The following UBE4A variants were observed in gnomAD, a reference collection of about 807,000 sequenced individuals.
UBE4A encodes the protein ubiquitin conjugation factor E4 A.
UBE4A carries 48 observed loss-of-function variants against 117.9 expected under a neutral mutation model. The ratio of observed to expected loss-of-function variants is 0.41; its 90% CI spans 0.32 to 0.52. UBE4A has a LOEUF of 0.52. UBE4A is among the 20% of genes least tolerant of loss of function. The pLI, the probability that UBE4A is intolerant of heterozygous loss-of-function variation, is 0.33. For synonymous variants in UBE4A, 407 were observed against 450.0 expected (o/e 0.90, Z 1.21); for missense variants, 1,067 against 1,296.3 (o/e 0.82, Z 2.72).
At chr11:118,368,277 T>C (rs972763766) in intron 2 of UBE4A, among the ~76,000 whole-genome samples, 4 of 152,226 alleles carry the variant, frequency 2.6e-5, no homozygotes, top group South Asian at 2.1e-4. Flanking sequence ...TGTTATCTCT[T>C]AAAATCAGGG....
Position 118,375,051 on chromosome 11 carries a change from C to G in UBE4A, c.1272C>G (p.Ile424Met), listed in dbSNP as rs781875828. ...TKIWANQMPE[I>M]FFQMYASDAF... ...TTTGGGCCAATCAGATGCCAGAAAT[C>G]TTTTTCCAAATGTATGCCTCAGATG... Residue 424 changes from isoleucine to methionine, a missense_variant, in exon 9 of 20, where the codon ATC (isoleucine) becomes ATG (methionine). Ile to Met is a conservative substitution (Grantham distance 10). This residue lies in a region of UBE4A where 1,001 missense variants were observed against 1,184.0 expected (regional missense o/e 0.85). Coordinates refer to ENST00000252108, the MANE Select transcript of UBE4A (RefSeq NM_001204077.2). 3 of 1,614,174 alleles carry G rather than the reference C, an allele frequency of 1.9e-6. No individual in the cohort carries two copies. Among genetic ancestry groups the G allele is most frequent in the Admixed American group, 1.7e-5 (1 of 60,002 alleles).
chr11:118,382,985 T>G (rs1555126615), intron 13 of UBE4A, among the ~76,000 whole-genome samples: 1 of 152,076 alleles, frequency 6.6e-6, no homozygotes, highest in East Asian at 1.9e-4. Context: ...TTATCCCTGT[T>G]TTATTTATTT....
rs1948795551 is a variant in UBE4A, at chr11:118,389,772, T to A, written c.2635T>A (p.Ser879Thr). 6.2e-7 allele frequency: 1 copy of A among 1,613,722 alleles called. No individual in the cohort carries two copies. Among genetic ancestry groups the A allele is most frequent in the African/African-American group, 1.3e-5 (1 of 74,918 alleles). The change falls in exon 17 of 20, where the codon TCC becomes ACC. Residue 879 changes from serine (S) to threonine (T), a missense_variant. Transcript: ENST00000252108. ...VHPFLAERII[S>T]MLNYFLQHLV... ...TCCCTTCCTGGCTGAGCGCATCATC[T>A]CCATGTTGAACTACTTCCTGCAACA...
intron 2 of UBE4A, among the ~76,000 whole-genome samples, chr11:118,366,050 TTTTG>T (rs1206789428): frequency 7.0e-6 from 1 of 143,208 alleles, no homozygotes; most frequent in Non-Finnish European, 1.5e-5. Context: ...TTTCCCTTTA[TTTTG>T]TTTATTTAAA....
intron 18 of UBE4A, 110 bp from the exon 19 acceptor site, chr11:118,392,626 TTA>T: frequency 5.9e-6 from 6 of 1,019,422 alleles, no homozygotes; most frequent in Non-Finnish European, 8.6e-6. Flanking sequence ...CTGTCAAGGG[TTA>T]TTAATGACCT....
rs573427337 is a variant in UBE4A, at chr11:118,372,455, G to A, written c.562-52G>A. On this transcript the variant is annotated intron_variant, in intron 5 of 19. Transcript: ENST00000252108. Reference sequence around the variant, plus strand: ...TATTGTATTCACTATGTCTACTTTCGTTCCAGATTACAGAGTTAGACTATT... The same window carrying A: ...TATTGTATTCACTATGTCTACTTTCATTCCAGATTACAGAGTTAGACTATT... 273 of 1,547,662 alleles carry A rather than the reference G, an allele frequency of 1.8e-4. 1 individual carries two copies. The highest frequency in any genetic ancestry group is 1.6e-3 in the East Asian group (69 of 44,062).
At chr11:118,373,815 A>T in intron 8 of UBE4A, 130 bp downstream of exon 8, 2 of 1,144,546 alleles carry the variant, frequency 1.7e-6, no homozygotes, top group Non-Finnish European at 2.4e-6. Flanking sequence ...ACATCACATA[A>T]ATAAATTAAA....
intron 6 of UBE4A, 59 bp downstream of exon 6, chr11:118,372,725 C>G: frequency 6.2e-7 from 1 of 1,602,730 alleles, no homozygotes; most frequent in Non-Finnish European, 8.5e-7. Context: ...TTTAAAATTT[C>G]ACTAATTGCA....
At chr11:118,389,360 G>C (rs1948790565) in intron 16 of UBE4A, among the ~76,000 whole-genome samples, 1 of 152,144 alleles carries the variant, frequency 6.6e-6, no homozygotes, top group South Asian at 2.1e-4. Context: ...TTGCAATATA[G>C]TTACTGAAAA....
Position 118,375,077 on chromosome 11 carries a change from C to T in UBE4A, c.1298C>T (p.Ala433Val). The change falls in exon 9 of 20, where the codon GCT becomes GTT. Residue 433 changes from alanine (A) to valine (V), a missense_variant. Around this residue, in one of 3 missense-constraint regions of UBE4A, gnomAD observed 1,001 missense variants for 1,184.0 expected, o/e 0.85. Coordinates refer to ENST00000252108, the MANE Select transcript of UBE4A (RefSeq NM_001204077.2). ...TTTTTCCAAATGTATGCCTCAGATG[C>T]TTTCTTTCTGAATCTGGGTGCTGCT... ...EIFFQMYASD[A>V]FFLNLGAALL... The T allele has an allele frequency of 6.2e-7, 1 of 1,614,206 alleles. No individual in the cohort carries two copies. The highest frequency in any genetic ancestry group is 1.1e-5 in the South Asian group (1 of 91,086).
At chr11:118,363,100 C>G (rs777022110) in intron 1 of UBE4A, among the ~76,000 whole-genome samples, 3 of 152,120 alleles carry the variant, frequency 2.0e-5, no homozygotes, top group Non-Finnish European at 4.4e-5. Context: ...TAAGACAATT[C>G]TTGGTGTTTT....
Position 118,396,718 on chromosome 11 carries a change from A to C in UBE4A, c.*278A>C. 1 of 244,412 alleles carries C rather than the reference A, an allele frequency of 4.1e-6. No homozygotes were observed. Among genetic ancestry groups the C allele is most frequent in the Non-Finnish European group, 7.7e-6 (1 of 129,446 alleles). The allele number at this position is 244,412 out of a possible 1,614,324, so 15.1% of individuals were successfully genotyped here. ...TTTTCACCCTCTGTTGTCTCTTCAT[A>C]TTCTTCTTCCTTTTCCTAAATGAAA... is the stretch of plus-strand genomic sequence containing the variant. On this transcript the variant is annotated 3_prime_UTR_variant, in exon 20 of 20. Transcript: ENST00000252108.
intron 1 of UBE4A, among the ~76,000 whole-genome samples, chr11:118,363,349 C>T (rs550809425): frequency 5.3e-5 from 8 of 152,260 alleles, no homozygotes; most frequent in African/African-American, 1.9e-4. Flanking sequence ...CGAGACCAGC[C>T]TGGCCAACAT....
At chr11:118,384,548 AC>A (rs1948736934) in intron 13 of UBE4A, 86 bp from the exon 14 acceptor site, 1 of 1,241,814 alleles carries the variant, frequency 8.1e-7, no homozygotes. Flanking sequence ...AAAGCAAATG[AC>A]TACAAAGCAA....
intron 1 of UBE4A, among the ~76,000 whole-genome samples, chr11:118,364,411 A>G (rs188235616): frequency 6.8e-4 from 103 of 152,258 alleles, no homozygotes; most frequent in African/African-American, 2.5e-3. Context: ...TTTTAGTGGA[A>G]GAAATATCAG....
chr11:118,368,922 T>TGAGTTCCA, intron 3 of UBE4A, 118 bp downstream of exon 3: 1 of 1,019,044 alleles, frequency 9.8e-7, no homozygotes, highest in Non-Finnish European at 1.4e-6. Context: ...CTGCACTCCC[T>TGAGTTCCA]GGAACTCAGG....
Position 118,360,175 on chromosome 11 carries a change from T to C in UBE4A, c.-42+501T>C, listed in dbSNP as rs922633894. 6.6e-5 allele frequency among the ~76,000 whole-genome samples: 10 copies of C among 152,332 alleles called. No homozygotes were observed. The East Asian group carries it at 1.9e-3, about 29-fold the overall frequency. On this transcript the variant is annotated intron_variant, in intron 1 of 19. Transcript: ENST00000252108. ...GTGATGAGTTCACCACAGATAACTC[T>C]TGGGGCACTCTGCTTCATGTTTCCT...
intron 12 of UBE4A, 115 bp from the exon 13 acceptor site, chr11:118,382,474 C>T (rs1289895042): frequency 5.1e-6 from 4 of 777,466 alleles, no homozygotes; most frequent in Non-Finnish European, 6.7e-6. Context: ...GAAGTGGATC[C>T]TTTTTTTTCC....
chr11:118,385,622 C>T (rs1948749676), intron 15 of UBE4A, among the ~76,000 whole-genome samples: 1 of 152,182 alleles, frequency 6.6e-6, no homozygotes, highest in African/African-American at 2.4e-5. Context: ...GTCTGTAGAG[C>T]AAAACTTCCC....
Sources: allele counts gnomAD v4.1 joint callset (sites outside exome capture counted in the v4.1 genomes callset), GRCh38; gene constraint gnomAD v4.1.1; regional missense constraint gnomAD v4.1.1; transcripts MANE v1.5; gene names NCBI Gene and HGNC (gene_info 2026-07-23, HGNC 2026-07-21).